PRMT8: variants seen among roughly 807,000 people sequenced by gnomAD.
The protein encoded by PRMT8 is protein arginine methyltransferase 8.
Under a neutral mutation model 47.1 loss-of-function variants are expected in PRMT8, and 7 were observed. The ratio of observed to expected loss-of-function variants is 0.15; its 90% confidence interval spans 0.08 to 0.28. PRMT8 has a LOEUF of 0.28. Among genes scored for constraint, PRMT8 ranks in the 10% least tolerant of loss-of-function variants. The probability of loss-of-function intolerance (pLI) is 1.00; values close to 1 mark genes in which losing one functional copy is unlikely to be tolerated. For synonymous variants in PRMT8, 188 were observed against 186.5 expected, an observed-to-expected ratio of 1.01 and a Z score of -0.07; for missense variants, 237 against 505.4, an observed-to-expected ratio of 0.47 and a Z score of 5.09.
At chr12:3,384,621 G>A (rs544705602) in intron 1 of PRMT8, among the ~76,000 whole-genome samples, 4 of 152,134 alleles carry the variant, frequency 2.6e-5, no homozygotes, top group Non-Finnish European at 5.9e-5. Flanking sequence ...CCCAGGTGCC[G>A]CTAGTAGGGG....
intron 1 of PRMT8, among the ~76,000 whole-genome samples, chr12:3,467,903 G>T (rs1473556270): frequency 3.3e-5 from 5 of 152,132 alleles, no homozygotes; most frequent in Non-Finnish European, 5.9e-5. Flanking sequence ...TGGCACCTCA[G>T]ACAGGCAGAG....
At chr12:3,531,426 G>A (rs1376011254) in intron 1 of PRMT8, among the ~76,000 whole-genome samples, 4 of 152,206 alleles carry the variant, frequency 2.6e-5, no homozygotes, top group African/African-American at 9.7e-5. Context: ...TATAAGAAGC[G>A]AATTTAATAT....
rs12833949 is a variant in PRMT8, at chr12:3,576,338, T to A, written c.713-533T>A. Among the ~76,000 whole-genome samples, 19,101 of 152,234 alleles carry A rather than the reference T, an allele frequency of 0.13. 1,376 individuals carry two copies. The highest frequency in any genetic ancestry group is 0.28 in the Middle Eastern group (82 of 294). ...GACCAGTAAGTGGTGGTGCTGGAAT[T>A]TAAACTGTAGTTGATTTCACGTTAA... On this transcript the variant is annotated intron_variant, in intron 6 of 9. Coordinates refer to ENST00000382622, the MANE Select transcript of PRMT8 (RefSeq NM_019854.5). This position sits in a 1 kb window ranked among gnomAD's most constrained non-coding sequence, Gnocchi z 4.0.
intron 1 of PRMT8, among the ~76,000 whole-genome samples, chr12:3,450,454 A>C (rs1865014550): frequency 6.6e-6 from 1 of 152,240 alleles, no homozygotes. Flanking sequence ...TCTCAAGGAC[A>C]CAATAGCAGA....
intron 1 of PRMT8, among the ~76,000 whole-genome samples, chr12:3,526,692 A>G (rs970567003): frequency 1.2e-4 from 18 of 152,156 alleles, no homozygotes; most frequent in Admixed American, 2.0e-4. Flanking sequence ...AAACATAACA[A>G]TTGGAATTGT....
intron 1 of PRMT8, among the ~76,000 whole-genome samples, chr12:3,498,510 C>T (rs2137119410): frequency 6.6e-6 from 1 of 152,312 alleles, no homozygotes; most frequent in African/African-American, 2.4e-5. Flanking sequence ...CAGTACTGTG[C>T]CGTGTGAGTG....
intron 1 of PRMT8, among the ~76,000 whole-genome samples, chr12:3,518,258 C>A (rs540107531): frequency 6.6e-6 from 1 of 152,098 alleles, no homozygotes; most frequent in Non-Finnish European, 1.5e-5. Context: ...ATTAGAACAA[C>A]GTGAGAAGGA....
chr12:3,561,709 T>C (rs770577637), intron 4 of PRMT8, among the ~76,000 whole-genome samples: 40 of 152,300 alleles, frequency 2.6e-4, no homozygotes, highest in Non-Finnish European at 5.1e-4. Flanking sequence ...GTAAACGTCC[T>C]TGTTGAAGTC....
intron 1 of PRMT8, among the ~76,000 whole-genome samples, chr12:3,520,422 AGTCCCTT>A (rs1865862559): frequency 6.6e-6 from 1 of 152,250 alleles, no homozygotes; most frequent in Non-Finnish European, 1.5e-5. Flanking sequence ...CCAGCTGTTC[AGTCCCTT>A]GCCTCCCCAC....
chr12:3,558,459 A>ATT (rs1866566023), intron 4 of PRMT8, among the ~76,000 whole-genome samples: 1 of 152,216 alleles, frequency 6.6e-6, no homozygotes, highest in Non-Finnish European at 1.5e-5. Flanking sequence ...CAGGAAATTA[A>ATT]AACGTCATCA....
rs566318744 is a variant in PRMT8, at chr12:3,397,487, G to A, written c.48+16045G>A. 1.2e-3 allele frequency among the ~76,000 whole-genome samples: 188 copies of A among 150,562 alleles called. 8 individuals are homozygous for A. In the South Asian group the frequency reaches 0.013, roughly 10 times the overall value. Reference sequence around the variant, plus strand: ...ACTGGGCCCTGTGAGGTGTCAGTCTGCCCCTGCTGGGGGGTGCCTCCCAGT... The same window carrying A: ...ACTGGGCCCTGTGAGGTGTCAGTCTACCCCTGCTGGGGGGTGCCTCCCAGT... On this transcript the variant is annotated intron_variant, in intron 1 of 9. Coordinates refer to the PRMT8 transcript ENST00000452611.
At chr12:3,592,165 C>T (rs1455196977) in intron 8 of PRMT8, 66 bp from the exon 9 acceptor site, 2 of 1,501,110 alleles carry the variant, frequency 1.3e-6, no homozygotes, top group African/African-American at 1.4e-5. Flanking sequence ...GGGTCCCAGC[C>T]TCATCCCTTT....
At chr12:3,497,901 C>T (rs182833160) in intron 1 of PRMT8, among the ~76,000 whole-genome samples, 498 of 152,328 alleles carry the variant, frequency 3.3e-3, no homozygotes, top group Non-Finnish European at 5.3e-3. Context: ...AACTACTTGT[C>T]CAATATCACA....
At chr12:3,452,033 T>G (rs538285100) in intron 1 of PRMT8, among the ~76,000 whole-genome samples, 1 of 152,144 alleles carries the variant, frequency 6.6e-6, no homozygotes, top group African/African-American at 2.4e-5. Flanking sequence ...CAATTTTCTT[T>G]AGGAAGAAAG....
intron 1 of PRMT8, among the ~76,000 whole-genome samples, chr12:3,426,168 A>G (rs1424082536): frequency 6.6e-6 from 1 of 152,234 alleles, no homozygotes; most frequent in Non-Finnish European, 1.5e-5. Context: ...CCTAGTGGAA[A>G]GGGGACAATG....
At chr12:3,515,886 T>C (rs1591579766) in intron 1 of PRMT8, among the ~76,000 whole-genome samples, 1 of 152,248 alleles carries the variant, frequency 6.6e-6, no homozygotes, top group Admixed American at 6.5e-5. Context: ...TCCCTGGTGG[T>C]TGGTTTCTCA....
chr12:3,415,555 T>G (rs968919085), intron 1 of PRMT8, among the ~76,000 whole-genome samples: 1 of 152,170 alleles, frequency 6.6e-6, no homozygotes, highest in Non-Finnish European at 1.5e-5. Context: ...CTTTGGAGAT[T>G]TCCAGGATTT....
chr12:3,381,806 T>C (rs1366577199), intron 1 of PRMT8, among the ~76,000 whole-genome samples: 1 of 152,216 alleles, frequency 6.6e-6, no homozygotes, highest in Admixed American at 6.5e-5. Context: ...GTAATCAAGA[T>C]ACAGAACATT....
intron 8 of PRMT8, among the ~76,000 whole-genome samples, chr12:3,587,038 T>G (rs1867192769): frequency 6.6e-6 from 1 of 152,180 alleles, no homozygotes; most frequent in Admixed American, 6.5e-5. Flanking sequence ...ACCATCTATA[T>G]TCTGACAACT....
Sources: gnomAD v4.1 joint callset for allele counts (sites outside exome capture counted in the v4.1 genomes callset) on GRCh38, gnomAD v4.1.1 for gene constraint, Gnocchi (gnomAD v3.1) non-coding constraint, MANE v1.5 for transcripts, NCBI Gene and HGNC (gene_info 2026-07-23, HGNC 2026-07-21) for gene names.